The following APOBEC3A variants were observed in gnomAD, a reference collection of about 807,000 sequenced individuals.
APOBEC3A encodes apolipoprotein B mRNA editing enzyme catalytic subunit 3A, also known as DNA dC->dU-editing enzyme APOBEC-3A.
Under a neutral mutation model 23.0 loss-of-function variants are expected in APOBEC3A, and 13 were observed. The ratio of observed to expected loss-of-function variants is 0.57; its 90% CI spans 0.37 to 0.90. APOBEC3A has a LOEUF of 0.90. Ranked by LOEUF, APOBEC3A falls within the 40% of genes least tolerant of loss-of-function variation. The probability of loss-of-function intolerance (pLI) is 0.01; values close to 1 mark genes in which losing one functional copy is unlikely to be tolerated. For missense variants in APOBEC3A, 179 were observed against 264.9 expected (o/e 0.68, Z 2.25); for synonymous variants, 74 against 101.3 (o/e 0.73, Z 1.62).
intron 2 of APOBEC3A, among the ~76,000 whole-genome samples, chr22:38,961,101 C>T (rs957789909): frequency 2.7e-5 from 4 of 149,644 alleles, no homozygotes; most frequent in African/African-American, 7.5e-5. Context: ...TTTAATAAAG[C>T]CTGGCAGGAG....
rs1487895475 is a variant in APOBEC3A, at chr22:38,959,625, A to G, written c.113A>G (p.Glu38Gly). 6 of 1,614,002 alleles carry G rather than the reference A, an allele frequency of 3.7e-6. No individual in the cohort carries two copies. The highest frequency in any genetic ancestry group is 5.1e-6 in the Non-Finnish European group (6 of 1,180,002). The change falls in exon 2 of 5, where the codon GAG becomes GGG. Residue 38 changes from glutamate (E) to glycine (G), a missense_variant. This residue lies in a region of APOBEC3A where 87 missense variants were observed against 74.5 expected (regional missense o/e 1.17). Coordinates refer to ENST00000249116, the MANE Select transcript of APOBEC3A (RefSeq NM_145699.4). ...RHKTYLCYEV[E>G]RLDNGTSVKM... ...AAGACCTACCTGTGCTACGAAGTGG[A>G]GCGCCTGGACAATGGCACCTCGGTC...
chr22:38,962,451 C>T (rs774476168), intron 4 of APOBEC3A, 44 bp from the exon 5 acceptor site: 1 of 1,594,084 alleles, frequency 6.3e-7, no homozygotes, highest in Admixed American at 1.8e-5. Context: ...GCCCTCTTTC[C>T]ACTCTCTCAC....
In APOBEC3A at chr22:38,961,422, T is replaced by G; in HGVS notation, c.210T>G (p.His70Gln). ...TTCTCTGTGGCTTTTACGGCCGCCA[T>G]GCGGAGCTGCGCTTCTTGGACCTGG... Reference protein sequence around the residue: ...KNLLCGFYGRHAELRFLDLVP... With the variant: ...KNLLCGFYGRQAELRFLDLVP... Residue 70 changes from histidine to glutamine, a missense_variant, in exon 3 of 5, where the codon CAT becomes CAG. Around this residue, in one of 5 missense-constraint regions of APOBEC3A, gnomAD observed 10 missense variants for 64.3 expected, o/e 0.16. Coordinates refer to ENST00000249116, the MANE Select transcript of APOBEC3A (RefSeq NM_145699.4). 4 of 1,344,844 alleles carry G rather than the reference T, an allele frequency of 3.0e-6. 1 individual carries two copies. Among genetic ancestry groups the G allele is most frequent in the Non-Finnish European group, 4.2e-6 (4 of 962,398 alleles). The allele number at this position is 1,344,844 out of a possible 1,614,324, so 83.3% of individuals were successfully genotyped here. A position where few individuals can be genotyped will look rare whatever the true frequency, so the allele number is the denominator to read the frequency against.
In APOBEC3A at chr22:38,957,720, G is replaced by A. The variant is rs778430692; in HGVS notation, c.29G>A (p.Arg10Lys). 4.3e-6 allele frequency: 7 copies of A among 1,612,120 alleles called. No homozygotes were observed. In the South Asian group the frequency reaches 4.4e-5, roughly 10 times the overall value. Residue 10 changes from arginine (R) to lysine (K), a missense_variant and splice_region_variant, in exon 1 of 5, where the codon AGA (arginine) becomes AAA (lysine). By Grantham distance (26) the Arg-to-Lys change is conservative. Around this residue, in one of 5 missense-constraint regions of APOBEC3A, gnomAD observed 87 missense variants for 74.5 expected, o/e 1.17. Transcript: ENST00000249116. The stretch of plus-strand genomic sequence containing the variant: ...GAAGCCAGCCCAGCATCCGGGCCCA[G>A]GTATGGGAAGCCCCTCCGAGCACCT... The part of the protein sequence containing the change: MEASPASGP[R>K]HLMDPHIFTS...
Position 38,959,641 on chromosome 22 carries a change from C to T in APOBEC3A, c.129C>T (p.Gly43=). 6.2e-7 allele frequency: 1 copy of T among 1,614,104 alleles called. No homozygotes were observed. Among genetic ancestry groups the T allele is most frequent in the Non-Finnish European group, 8.5e-7 (1 of 1,180,006 alleles). The change falls in exon 2 of 5, where the codon GGC becomes GGT. Residue 43 remains glycine (G), a synonymous_variant. Coordinates refer to ENST00000249116, the MANE Select transcript of APOBEC3A (RefSeq NM_145699.4). ...LCYEVERLDN[G]TSVKMDQHRG... ...ACGAAGTGGAGCGCCTGGACAATGG[C>T]ACCTCGGTCAAGATGGACCAGCACA... is the stretch of plus-strand genomic sequence containing the variant.
chr22:38,962,545 T>C lies in APOBEC3A; in HGVS notation c.*36T>C, dbSNP rs535595523. 51 of 1,533,336 alleles carry C rather than the reference T, an allele frequency of 3.3e-5. No individual in the cohort carries two copies. The African/African-American group carries it at 5.9e-4, about 18-fold the overall frequency. The allele number at this position is 1,533,336 out of a possible 1,614,324, so 95.0% of individuals were successfully genotyped here. A position where few individuals can be genotyped will look rare whatever the true frequency, so the allele number is the denominator to read the frequency against. On this transcript the variant is annotated 3_prime_UTR_variant, in exon 5 of 5. Coordinates refer to ENST00000249116, the MANE Select transcript of APOBEC3A (RefSeq NM_145699.4). Reference sequence around the variant, plus strand: ...TCAGTCTCTAAGGAAGGCAGAGACCTGGGTTGAGCAGCAGAATAAAAGATC... The same window carrying C: ...TCAGTCTCTAAGGAAGGCAGAGACCCGGGTTGAGCAGCAGAATAAAAGATC...
At chr22:38,961,882 G>A (rs1922909849) in intron 3 of APOBEC3A, among the ~76,000 whole-genome samples, 1 of 152,010 alleles carries the variant, frequency 6.6e-6, no homozygotes, top group Non-Finnish European at 1.5e-5. Flanking sequence ...GGAAGTGGAA[G>A]CAGAACTTGG....
intron 2 of APOBEC3A, among the ~76,000 whole-genome samples, chr22:38,960,889 C>T (rs1177076173): frequency 6.6e-6 from 1 of 151,892 alleles, no homozygotes; most frequent in African/African-American, 2.4e-5. Context: ...CCGGCCCCTC[C>T]TCCCTGCCCC....
rs1922787210 is a variant in APOBEC3A at position 38,959,703 on chromosome 22, TC to T, written c.174+19del. Reference sequence around the variant, plus strand: ...CACAACCAGGTGACCGACCCAGCCATCCGAATCCGGGCAGGGCCCTTCCAAT... The same window carrying T: ...CACAACCAGGTGACCGACCCAGCCATCGAATCCGGGCAGGGCCCTTCCAAT... On this transcript the variant is annotated intron_variant, in intron 2 of 4. Coordinates refer to ENST00000249116, the MANE Select transcript of APOBEC3A (RefSeq NM_145699.4). 6.2e-7 allele frequency: 1 copy of T among 1,610,926 alleles called. No homozygotes were observed. The highest frequency in any genetic ancestry group is 1.3e-5 in the African/African-American group (1 of 74,806).
In APOBEC3A at chr22:38,959,654, A is replaced by G; in HGVS notation, c.142A>G (p.Met48Val). The change falls in exon 2 of 5, where the codon ATG (methionine) becomes GTG (valine). Residue 48 changes from methionine to valine, a missense_variant. Physicochemically the swap from Met to Val is conservative, Grantham distance 21 (BLOSUM62 1). Coordinates refer to ENST00000249116, the MANE Select transcript of APOBEC3A (RefSeq NM_145699.4). ...CCTGGACAATGGCACCTCGGTCAAGATGGACCAGCACAGGGGCTTTCTACA... is the reference window on the plus strand; with the variant it reads ...CCTGGACAATGGCACCTCGGTCAAGGTGGACCAGCACAGGGGCTTTCTACA... The part of the protein sequence containing the change: ...ERLDNGTSVK[M>V]DQHRGFLHNQ... 1 of 1,614,046 alleles carries G rather than the reference A, an allele frequency of 6.2e-7. No homozygotes were observed. Among genetic ancestry groups the G allele is most frequent in the Non-Finnish European group, 8.5e-7 (1 of 1,180,000 alleles).
At position 38,962,763 on chromosome 22, in the gene APOBEC3A, C is replaced by G; in HGVS notation, c.*254C>G. 4 of 905,308 alleles carry G rather than the reference C, an allele frequency of 4.4e-6. No homozygotes were observed. Among genetic ancestry groups the G allele is most frequent in the Non-Finnish European group, 4.7e-6 (3 of 632,260 alleles). 56.1% of individuals were successfully genotyped at this position (905,308 alleles called of 1,614,324 possible). A position where few individuals can be genotyped will look rare whatever the true frequency, so the allele number is the denominator to read the frequency against. ...CACGAGGTCAGGAGATCGAGACCAT[C>G]CTGGCTAACACGGTGAAACCCTGTC... On this transcript the variant is annotated 3_prime_UTR_variant, in exon 5 of 5. Coordinates refer to ENST00000249116, the MANE Select transcript of APOBEC3A (RefSeq NM_145699.4).
chr22:38,957,632 G>T lies in APOBEC3A; in HGVS notation c.-60G>T, dbSNP rs1311998333. The T allele has an allele frequency of 1.6e-5, 26 of 1,594,766 alleles. No homozygotes were observed. The highest frequency in any genetic ancestry group is 2.1e-5 in the Non-Finnish European group (24 of 1,168,716). On this transcript the variant is annotated 5_prime_UTR_variant, in exon 1 of 5. Transcript: ENST00000249116. ...ATGTTGGTGAAGATCTTAACACCAC[G>T]CCTTGAGCAAGTCGCAAGAGCGGGA...
intron 3 of APOBEC3A, 98 bp downstream of exon 3, chr22:38,961,779 G>T: frequency 9.3e-7 from 1 of 1,076,146 alleles, no homozygotes; most frequent in Non-Finnish European, 1.3e-6. Flanking sequence ...CTGCAGAAAC[G>T]ATGGCTGGAC....
chr22:38,961,950 T>G lies in APOBEC3A; in HGVS notation c.470-148T>G, dbSNP rs943441787. ...CAGATTCCAATGGGAAGGAACTGCC[T>G]GATGAAGGAGCTAAGTCCCTAGGGG... On this transcript the variant is annotated intron_variant, in intron 3 of 4. Coordinates refer to ENST00000249116, the MANE Select transcript of APOBEC3A (RefSeq NM_145699.4). The G allele has an allele frequency of 9.0e-6, 11 of 1,216,094 alleles. No homozygotes were observed. In the African/African-American group the frequency reaches 1.7e-4, roughly 19 times the overall value. The allele number at this position is 1,216,094 out of a possible 1,614,324, so 75.3% of individuals were successfully genotyped here.
chr22:38,957,826 C>T lies in APOBEC3A; in HGVS notation c.29+106C>T, dbSNP rs1280695100. 6.3e-6 allele frequency: 9 copies of T among 1,433,808 alleles called. No individual in the cohort carries two copies. The African/African-American group carries it at 1.1e-4, about 18-fold the overall frequency. The allele number at this position is 1,433,808 out of a possible 1,614,324, so 88.8% of individuals were successfully genotyped here. On this transcript the variant is annotated intron_variant, in intron 1 of 4. Coordinates refer to ENST00000249116, the MANE Select transcript of APOBEC3A (RefSeq NM_145699.4). Reference sequence around the variant, plus strand: ...AAACCCCTGGGGCCTCTCTTTTCCTCCTGACCCTCTCTCTGGACCTGGCCT... The same window carrying T: ...AAACCCCTGGGGCCTCTCTTTTCCTTCTGACCCTCTCTCTGGACCTGGCCT...
intron 3 of APOBEC3A, 98 bp downstream of exon 3, chr22:38,961,779 G>A (rs1447238295): frequency 2.5e-5 from 27 of 1,076,148 alleles, no homozygotes; most frequent in Admixed American, 4.5e-5. Context: ...CTGCAGAAAC[G>A]ATGGCTGGAC....
At chr22:38,960,876 C>G (rs1922848331) in intron 2 of APOBEC3A, among the ~76,000 whole-genome samples, 2 of 151,926 alleles carry the variant, frequency 1.3e-5, no homozygotes, top group South Asian at 4.2e-4. Flanking sequence ...CCTCGGGGCT[C>G]CGCCGGCCCC....
intron 1 of APOBEC3A, among the ~76,000 whole-genome samples, chr22:38,958,343 T>TTC (rs368272458): frequency 2.0e-5 from 3 of 149,674 alleles, no homozygotes; most frequent in African/African-American, 5.0e-5. Flanking sequence ...TCTTCTTTCT[T>TTC]TCTCTCTCTC....
chr22:38,959,627 C>A lies in APOBEC3A; in HGVS notation c.115C>A (p.Arg39Ser). The change falls in exon 2 of 5, where the codon CGC (arginine) becomes AGC (serine). Residue 39 changes from arginine to serine, a missense_variant. By Grantham distance (110) the Arg-to-Ser change is moderately radical. This residue lies in a region of APOBEC3A where 87 missense variants were observed against 74.5 expected (regional missense o/e 1.17). Coordinates refer to ENST00000249116, the MANE Select transcript of APOBEC3A (RefSeq NM_145699.4). ...GACCTACCTGTGCTACGAAGTGGAG[C>A]GCCTGGACAATGGCACCTCGGTCAA... ...HKTYLCYEVE[R>S]LDNGTSVKMD... 7.4e-6 allele frequency: 12 copies of A among 1,614,102 alleles called. No individual in the cohort carries two copies. The highest frequency in any genetic ancestry group is 1.0e-5 in the Non-Finnish European group (12 of 1,179,998).
Sources: allele counts gnomAD v4.1 joint callset (sites outside exome capture counted in the v4.1 genomes callset), GRCh38; gene constraint gnomAD v4.1.1; regional missense constraint gnomAD v4.1.1; transcripts MANE v1.5; gene names NCBI Gene and HGNC (gene_info 2026-07-23, HGNC 2026-07-21).